Variants in F8 observed in about 807,000 individuals in gnomAD.
F8 encodes the protein coagulation factor VIII, also known as antihemophilic factor.
A neutral mutation model predicts 140.6 loss-of-function variants in F8; 12 were observed. That is an observed-to-expected ratio of 0.09 (90% CI 0.05 to 0.14). F8 has a LOEUF of 0.14. F8 is among the 10% of genes least tolerant of loss of function. The probability of loss-of-function intolerance (pLI) is 1.00; values close to 1 mark genes in which losing one functional copy is unlikely to be tolerated. For synonymous variants in F8, 585 were observed against 614.6 expected (o/e 0.95, Z 0.71); for missense variants, 1,354 against 1,720.7 (o/e 0.79, Z 3.77).
At chrX:154,998,423 T>C (rs2073629394) in intron 2 of F8, among the ~76,000 whole-genome samples, 1 of 112,929 alleles carries the variant, frequency 8.9e-6, no homozygotes, top group South Asian at 3.6e-4. Flanking sequence ...ATAGGCACAA[T>C]GACAAAGTCT....
At chrX:155,004,883 C>T (rs1415982374) in intron 1 of F8, among the ~76,000 whole-genome samples, 4 of 111,579 alleles carry the variant, frequency 3.6e-5, no homozygotes, top group South Asian at 3.8e-4. Flanking sequence ...TACCTAAGGA[C>T]GAGGCACCAT....
intron 22 of F8, among the ~76,000 whole-genome samples, chrX:154,873,325 T>G (rs1557273739): frequency 9.1e-6 from 1 of 109,571 alleles, no homozygotes; most frequent in African/African-American, 3.3e-5. Context: ...CTCCCAGGTT[T>G]AAGTGATTCT....
intron 22 of F8, among the ~76,000 whole-genome samples, chrX:154,892,389 A>G (rs2072950132): frequency 8.9e-6 from 1 of 112,432 alleles, no homozygotes; most frequent in Admixed American, 9.4e-5. Flanking sequence ...GTTTGTTGCC[A>G]CAGTGACTAA....
chrX:154,872,052 A>C (rs1427261643), intron 22 of F8, among the ~76,000 whole-genome samples: 1 of 112,108 alleles, frequency 8.9e-6, no homozygotes, highest in African/African-American at 3.2e-5. Context: ...GAAACAACAG[A>C]TGCTGGAGAG....
At chrX:154,902,524 G>T in intron 18 of F8, among the ~76,000 whole-genome samples, 1 of 111,799 alleles carries the variant, frequency 8.9e-6, no homozygotes, top group Non-Finnish European at 1.9e-5. Context: ...ATAAGTCAGG[G>T]TGAGTTCCCT....
intron 6 of F8, among the ~76,000 whole-genome samples, chrX:154,976,196 T>C (rs2073484574): frequency 1.8e-5 from 2 of 112,071 alleles, no homozygotes; most frequent in African/African-American, 6.5e-5. Context: ...CGTCTGGCTG[T>C]TTGTCTCTTT....
At chrX:154,866,843 A>G (rs1488162402) in intron 22 of F8, among the ~76,000 whole-genome samples, 1 of 111,219 alleles carries the variant, frequency 9.0e-6, no homozygotes, top group African/African-American at 3.3e-5. Flanking sequence ...AAAGGAGATA[A>G]TAAATGCTAG....
At chrX:154,928,368 T>C (rs1021941612) in intron 14 of F8, among the ~76,000 whole-genome samples, 1 of 111,885 alleles carries the variant, frequency 8.9e-6, no homozygotes, top group East Asian at 2.8e-4. Context: ...ATAGGTGAGG[T>C]TGACTTTCTT....
At chrX:154,987,597 C>A (rs2073566446) in intron 4 of F8, among the ~76,000 whole-genome samples, 1 of 112,839 alleles carries the variant, frequency 8.9e-6, no homozygotes, top group South Asian at 3.6e-4. Context: ...TACAAGCCCT[C>A]ACACACTGTG....
chrX:154,907,445 G>A (rs1239252940), intron 14 of F8, among the ~76,000 whole-genome samples: 3 of 111,934 alleles, frequency 2.7e-5, no homozygotes, highest in Non-Finnish European at 5.6e-5. Flanking sequence ...GAACATATAT[G>A]TGCATTTCTG....
chrX:154,843,851 A>G (rs1205028286), intron 25 of F8, among the ~76,000 whole-genome samples: 1 of 111,715 alleles, frequency 9.0e-6, no homozygotes, highest in Non-Finnish European at 1.9e-5. Flanking sequence ...TGTTTTAGAC[A>G]TGAAGTTCTT....
intron 14 of F8, among the ~76,000 whole-genome samples, chrX:154,920,640 A>T (rs2073125394): frequency 9.1e-6 from 1 of 110,209 alleles, no homozygotes; most frequent in Non-Finnish European, 1.9e-5. Flanking sequence ...TTTTATAGAG[A>T]TGAGATCTCA....
intron 12 of F8, among the ~76,000 whole-genome samples, chrX:154,952,396 A>C (rs2073341643): frequency 8.9e-6 from 1 of 112,058 alleles, no homozygotes; most frequent in African/African-American, 3.2e-5. Flanking sequence ...TATTACTAGA[A>C]ATTCAAGCTA....
intron 5 of F8, among the ~76,000 whole-genome samples, chrX:154,985,041 A>G (rs1011157911): frequency 8.9e-6 from 1 of 112,442 alleles, no homozygotes; most frequent in Non-Finnish European, 1.9e-5. Flanking sequence ...CATGACAATA[A>G]GTGGGAATGG....
chrX:154,909,332 T>C (rs2073053295), intron 14 of F8: 1 of 129,541 alleles, frequency 7.7e-6, no homozygotes, highest in Non-Finnish European at 1.5e-5. Context: ...GGTGGTATGA[T>C]ATAATCCAGA....
intron 19 of F8, among the ~76,000 whole-genome samples, 162 bp downstream of exon 19, chrX:154,901,889 T>C (rs1441092405): frequency 9.0e-6 from 1 of 111,728 alleles, no homozygotes; most frequent in African/African-American, 3.3e-5. Context: ...TCTGCCCTAC[T>C]CTGAGAACTC....
chrX:154,933,807 A>G (rs1241220580), intron 13 of F8, among the ~76,000 whole-genome samples: 2 of 112,471 alleles, frequency 1.8e-5, no homozygotes, highest in African/African-American at 3.2e-5. Flanking sequence ...AACCACAAAG[A>G]CATAGCTTCT....
intron 2 of F8, among the ~76,000 whole-genome samples, chrX:154,998,668 A>G (rs2073630453): frequency 9.0e-6 from 1 of 111,605 alleles, no homozygotes; most frequent in South Asian, 3.7e-4. Context: ...GGCTTTTTCT[A>G]TTGGGGTTAT....
chrX:154,991,349 T>C (rs1186680712), intron 4 of F8, among the ~76,000 whole-genome samples: 1 of 112,417 alleles, frequency 8.9e-6, no homozygotes, highest in Non-Finnish European at 1.9e-5. Flanking sequence ...AATACTAGAG[T>C]GGGGAAAAAG....
Sources: gnomAD v4.1 joint callset for allele counts (sites outside exome capture counted in the v4.1 genomes callset) on GRCh38, gnomAD v4.1.1 for gene constraint, MANE v1.5 for transcripts, NCBI Gene and HGNC (gene_info 2026-07-23, HGNC 2026-07-21) for gene names.